CTNNA3: variants seen among roughly 807,000 people sequenced by gnomAD.
CTNNA3 encodes catenin alpha 3, also known as catenin alpha-3.
In CTNNA3, 76 loss-of-function variants were observed where a neutral mutation model predicts 95.7. The ratio of observed to expected loss-of-function variants is 0.79; its 90% CI spans 0.66 to 0.96. The LOEUF (loss-of-function observed/expected upper bound fraction) is 0.96, where lower values mean the gene tolerates loss of function less well. CTNNA3 is among the 40% of genes least tolerant of loss of function. The pLI is 0.00. For synonymous variants in CTNNA3, 431 were observed against 374.4 expected, an observed-to-expected ratio of 1.15 and a Z score of -1.74; for missense variants, 1,191 against 1,089.8, an observed-to-expected ratio of 1.09 and a Z score of -1.31.
At chr10:67,222,138 T>C (rs182851192) in intron 5 of CTNNA3, among the ~76,000 whole-genome samples, 2 of 152,308 alleles carry the variant, frequency 1.3e-5, no homozygotes, top group East Asian at 3.9e-4. Flanking sequence ...TGCTACTATA[T>C]TTTTAGTTCC....
In CTNNA3 at chr10:66,568,048, C is replaced by T. The variant is rs1039190348; in HGVS notation, c.1375-47275G>A. On this transcript the variant is annotated intron_variant, in intron 10 of 17. Coordinates refer to ENST00000433211, the MANE Select transcript of CTNNA3 (RefSeq NM_013266.4). ...ATTACTATGGCTTTACTTTCATTTG[C>T]TTCTCTCAGTTTTCCTTCATCTTGC... Among the ~76,000 whole-genome samples, 5 of 152,168 alleles carry T rather than the reference C, an allele frequency of 3.3e-5. 1 individual carries two copies. Among genetic ancestry groups the T allele is most frequent in the African/African-American group, 7.2e-5 (3 of 41,452 alleles).
At chr10:67,633,329 G>T (rs189534227) in intron 2 of CTNNA3, among the ~76,000 whole-genome samples, 1 of 152,084 alleles carries the variant, frequency 6.6e-6, no homozygotes, top group East Asian at 1.9e-4. Context: ...GAATACAAAC[G>T]GTCCAGATGA....
At chr10:66,659,148 G>T (rs7071893) in intron 9 of CTNNA3, among the ~76,000 whole-genome samples, 1 of 151,850 alleles carries the variant, frequency 6.6e-6, no homozygotes, top group Admixed American at 6.6e-5. Flanking sequence ...TGAACTTTAC[G>T]TTTTAGTTAG....
At chr10:67,411,626 C>T (rs895076742) in intron 5 of CTNNA3, among the ~76,000 whole-genome samples, 2 of 152,104 alleles carry the variant, frequency 1.3e-5, no homozygotes, top group African/African-American at 4.8e-5. Context: ...GATCAATGCA[C>T]AGTTTTCTGC....
intron 11 of CTNNA3, among the ~76,000 whole-genome samples, chr10:66,411,743 A>G (rs2093107045): frequency 6.6e-6 from 1 of 152,180 alleles, no homozygotes; most frequent in South Asian, 2.1e-4. Context: ...AATAACTAAC[A>G]ACAAACATGG....
intron 7 of CTNNA3, among the ~76,000 whole-genome samples, chr10:66,919,409 G>T (rs1846675691): frequency 6.6e-6 from 1 of 152,104 alleles, no homozygotes; most frequent in African/African-American, 2.4e-5. Context: ...AGTTTATAGT[G>T]TTGGCTAGAT....
rs567149473 is a variant in CTNNA3, at chr10:66,842,626, G to A, written c.1048-67102C>T. Among the ~76,000 whole-genome samples, 4 of 152,300 alleles carry A rather than the reference G, an allele frequency of 2.6e-5. No individual in the cohort carries two copies. In the East Asian group the frequency reaches 7.7e-4, roughly 29 times the overall value. On this transcript the variant is annotated intron_variant, in intron 7 of 17. Coordinates refer to ENST00000433211, the MANE Select transcript of CTNNA3 (RefSeq NM_013266.4). ...GTGATACATAAATATATGAAGTGAT[G>A]TGTGATTAATGAGGAAGGGGTGGTT... is the stretch of plus-strand genomic sequence containing the variant.
chr10:66,051,770 G>T (rs1390253039), intron 15 of CTNNA3, among the ~76,000 whole-genome samples: 1 of 152,086 alleles, frequency 6.6e-6, no homozygotes, highest in African/African-American at 2.4e-5. Flanking sequence ...TATCAGTTCA[G>T]AAACATGATA....
At chr10:67,511,380 A>C (rs994119103) in intron 5 of CTNNA3, among the ~76,000 whole-genome samples, 1 of 152,132 alleles carries the variant, frequency 6.6e-6, no homozygotes, top group African/African-American at 2.4e-5. Context: ...ATCAATACCT[A>C]GTTTATTGAG....
intron 11 of CTNNA3, among the ~76,000 whole-genome samples, chr10:66,462,848 T>A (rs967198344): frequency 6.6e-6 from 1 of 152,170 alleles, no homozygotes; most frequent in African/African-American, 2.4e-5. Context: ...AGTATCATTA[T>A]AAATTTAAGT....
At chr10:66,191,485 C>T (rs1230944140) in intron 13 of CTNNA3, among the ~76,000 whole-genome samples, 1 of 152,036 alleles carries the variant, frequency 6.6e-6, no homozygotes, top group African/African-American at 2.4e-5. Flanking sequence ...CCTAATCATG[C>T]AGAAACTTTA....
intron 1 of CTNNA3, among the ~76,000 whole-genome samples, chr10:67,659,497 T>A (rs538126416): frequency 6.6e-6 from 1 of 152,308 alleles, no homozygotes; most frequent in African/African-American, 2.4e-5. Flanking sequence ...ATATAAAAAG[T>A]ATGCCAAAAT....
intron 5 of CTNNA3, among the ~76,000 whole-genome samples, chr10:67,454,801 C>T (rs1012160700): frequency 6.6e-6 from 1 of 152,116 alleles, no homozygotes; most frequent in African/African-American, 2.4e-5. Context: ...GAGAACTATA[C>T]TCAATTTACA....
intron 7 of CTNNA3, among the ~76,000 whole-genome samples, chr10:67,076,400 G>A (rs1856752237): frequency 1.3e-5 from 2 of 152,168 alleles, no homozygotes; most frequent in Admixed American, 6.5e-5. Flanking sequence ...CAGGGGAAAG[G>A]AGCAAAGTCC....
chr10:66,339,392 G>A (rs2092429976), intron 12 of CTNNA3, among the ~76,000 whole-genome samples: 1 of 151,704 alleles, frequency 6.6e-6, no homozygotes, highest in African/African-American at 2.4e-5. Context: ...AAACATAAAA[G>A]TCTGATTGTT....
At chr10:67,644,833 T>C (rs911805110) in intron 2 of CTNNA3, among the ~76,000 whole-genome samples, 1 of 152,178 alleles carries the variant, frequency 6.6e-6, no homozygotes, top group African/African-American at 2.4e-5. Context: ...GAGACGTTGA[T>C]GTTTTATACC....
chr10:67,704,427 A>G (rs1333989764), intron 1 of CTNNA3, among the ~76,000 whole-genome samples: 1 of 152,212 alleles, frequency 6.6e-6, no homozygotes, highest in Non-Finnish European at 1.5e-5. Context: ...ACCAAAACAG[A>G]GATATAGATC....
chr10:67,649,916 C>G (rs780234741), intron 1 of CTNNA3, among the ~76,000 whole-genome samples: 6 of 152,160 alleles, frequency 3.9e-5, no homozygotes, highest in Non-Finnish European at 7.3e-5. Flanking sequence ...CTCGGCTCAC[C>G]ACAACCTCCG....
At chr10:67,478,703 C>A (rs925172718) in intron 5 of CTNNA3, among the ~76,000 whole-genome samples, 1 of 151,860 alleles carries the variant, frequency 6.6e-6, no homozygotes, top group Non-Finnish European at 1.5e-5. Context: ...CTCACAGAAC[C>A]CATAAAGCAA....
Sources: allele counts gnomAD v4.1 joint callset (sites outside exome capture counted in the v4.1 genomes callset), GRCh38; gene constraint gnomAD v4.1.1; transcripts MANE v1.5; gene names NCBI Gene and HGNC (gene_info 2026-07-23, HGNC 2026-07-21).